Variants in MTAP observed in about 807,000 individuals in gnomAD.
MTAP encodes S-methyl-5'-thioadenosine phosphorylase.
MTAP carries 33 observed loss-of-function variants against 33.6 expected under a neutral mutation model. The ratio of observed to expected loss-of-function variants is 0.98; its 90% confidence interval spans 0.74 to 1.31. MTAP has a LOEUF of 1.31. Among genes scored for constraint, MTAP ranks in the 40% most tolerant of loss-of-function variants. The probability of loss-of-function intolerance (pLI) is 0.00; values close to 1 mark genes in which losing one functional copy is unlikely to be tolerated. For synonymous variants in MTAP, 148 were observed against 125.7 expected (o/e 1.18, Z -1.19); for missense variants, 367 against 360.0 (o/e 1.02, Z -0.16).
intron 6 of MTAP, among the ~76,000 whole-genome samples, chr9:21,858,048 T>G (rs1825676376): frequency 6.6e-6 from 1 of 152,202 alleles, no homozygotes; most frequent in South Asian, 2.1e-4. Flanking sequence ...TATTTGGGAT[T>G]TTGTTTGGTT....
chr9:21,859,907 C>A (rs1446414218), intron 7 of MTAP: 1 of 152,328 alleles, frequency 6.6e-6, no homozygotes, highest in Non-Finnish European at 1.5e-5. Context: ...TAAACCAACT[C>A]TAGTATTCTC....
intron 1 of MTAP, chr9:21,930,908 TC>T: frequency 1.6e-6 from 1 of 640,716 alleles, no homozygotes; most frequent in Non-Finnish European, 2.8e-6. Context: ...CCTGGGTTCT[TC>T]CCTTTTTAGG....
chr9:21,849,515 A>G (rs1825462341), intron 5 of MTAP, among the ~76,000 whole-genome samples: 1 of 152,178 alleles, frequency 6.6e-6, no homozygotes. Context: ...TGGCATAGAC[A>G]TACTTAGCAG....
At chr9:21,844,310 A>G (rs1474216941) in intron 5 of MTAP, among the ~76,000 whole-genome samples, 2 of 152,188 alleles carry the variant, frequency 1.3e-5, no homozygotes, top group Non-Finnish European at 2.9e-5. Context: ...CATTCAAAGA[A>G]CTGGTACCAA....
intron 4 of MTAP, among the ~76,000 whole-genome samples, chr9:21,818,760 AC>A (rs1238630262): frequency 1.3e-5 from 2 of 152,310 alleles, no homozygotes; most frequent in Non-Finnish European, 2.9e-5. Context: ...TTAACATATT[AC>A]CCCACATATC....
chr9:21,887,885 G>C (rs1273041826), intron 1 of MTAP, among the ~76,000 whole-genome samples: 1 of 152,142 alleles, frequency 6.6e-6, no homozygotes, highest in Non-Finnish European at 1.5e-5. Flanking sequence ...TGGGGGGGTT[G>C]CAGCTATTGT....
chr9:21,863,468 G>A lies in MTAP; in HGVS notation c.*1454G>A, dbSNP rs533103796. On this transcript the variant is annotated 3_prime_UTR_variant, in exon 8 of 8. Transcript: ENST00000644715. ...TAAAAATACAAAAAATTAGCTGGGC[G>A]TGGTGGTGGGCACCTGTAGTCCCAG... The A allele has an allele frequency of 2.8e-5, 14 of 506,016 alleles. No individual in the cohort carries two copies. The highest frequency in any genetic ancestry group is 2.1e-4 in the African/African-American group (10 of 48,090). The allele number at this position is 506,016 out of a possible 1,614,324, so 31.3% of individuals were successfully genotyped here.
chr9:21,908,244 T>A (rs564009068), intron 1 of MTAP, among the ~76,000 whole-genome samples: 1 of 152,298 alleles, frequency 6.6e-6, no homozygotes, highest in Non-Finnish European at 1.5e-5. Context: ...GATTGACTTT[T>A]TTGTTTAGCA....
At chr9:21,940,970 G>A (rs1455855164), downstream of MTAP, 1 of 984,764 alleles carries the variant, frequency 1.0e-6, no homozygotes, top group Non-Finnish European at 1.2e-6. Flanking sequence ...TTTGCTTTCA[G>A]GTGACAACTT....
At chr9:21,869,274 A>C (rs946033430), downstream of MTAP, among the ~76,000 whole-genome samples, 1 of 152,028 alleles carries the variant, frequency 6.6e-6, no homozygotes, top group East Asian at 1.9e-4. Context: ...CCAGTGCACC[A>C]TCTTCAGCAC....
At chr9:21,939,882 C>CA (rs1003526702), downstream of MTAP, among the ~76,000 whole-genome samples, 42 of 139,720 alleles carry the variant, frequency 3.0e-4, no homozygotes, top group East Asian at 1.2e-3. Context: ...GACTCTGTCT[C>CA]AAAAAAAAAA....
intron 5 of MTAP, among the ~76,000 whole-genome samples, chr9:21,839,249 C>T (rs925477797): frequency 2.0e-5 from 3 of 151,274 alleles, no homozygotes; most frequent in Non-Finnish European, 2.9e-5. Flanking sequence ...TAGTTATCCA[C>T]AGAATGTATC....
At chr9:21,916,114 A>C (rs1052016856) in intron 1 of MTAP, among the ~76,000 whole-genome samples, 2 of 149,622 alleles carry the variant, frequency 1.3e-5, no homozygotes, top group African/African-American at 4.9e-5. Context: ...GAAGGAAGGA[A>C]GGAAGGAGGG....
intron 1 of MTAP, chr9:21,803,037 C>G: frequency 9.3e-7 from 1 of 1,076,336 alleles, no homozygotes; most frequent in Non-Finnish European, 1.2e-6. Flanking sequence ...CACACACACA[C>G]CACCTTTTGG....
intron 1 of MTAP, among the ~76,000 whole-genome samples, chr9:21,896,484 C>A (rs993663581): frequency 5.3e-5 from 8 of 151,870 alleles, no homozygotes; most frequent in African/African-American, 1.9e-4. Flanking sequence ...ATTGATAGAC[C>A]ACTAGCAAGA....
In MTAP at chr9:21,844,761, A is replaced by G. The variant is rs371721378; in HGVS notation, c.450+6751A>G. Among the ~76,000 whole-genome samples, 94 of 152,336 alleles carry G rather than the reference A, an allele frequency of 6.2e-4. 1 individual carries two copies. Among genetic ancestry groups the G allele is most frequent in the African/African-American group, 1.5e-3 (63 of 41,590 alleles). Reference sequence around the variant, plus strand: ...AATAAAAGCCATCTATGGGCTGGGCACGGTGGCTCACACCTGTAATCCCAG... The same window carrying G: ...AATAAAAGCCATCTATGGGCTGGGCGCGGTGGCTCACACCTGTAATCCCAG... On this transcript the variant is annotated intron_variant, in intron 5 of 7. Coordinates refer to ENST00000644715, the MANE Select transcript of MTAP (RefSeq NM_002451.4).
At chr9:21,843,085 A>G (rs1470935592) in intron 5 of MTAP, among the ~76,000 whole-genome samples, 2 of 152,224 alleles carry the variant, frequency 1.3e-5, no homozygotes, top group Non-Finnish European at 2.9e-5. Flanking sequence ...ATTCCATGCA[A>G]ATGGAAACCA....
intron 4 of MTAP, among the ~76,000 whole-genome samples, chr9:21,831,094 C>A (rs187226932): frequency 2.4e-4 from 36 of 152,248 alleles, no homozygotes; most frequent in African/African-American, 8.4e-4. Flanking sequence ...TGTTAGATAC[C>A]TTTGCACATT....
chr9:21,880,486 A>G (rs973061112), intron 1 of MTAP, among the ~76,000 whole-genome samples: 1 of 152,160 alleles, frequency 6.6e-6, no homozygotes, highest in Admixed American at 6.6e-5. Flanking sequence ...ACATAATCTT[A>G]TACAGTATTT....
Sources: allele counts gnomAD v4.1 joint callset (sites outside exome capture counted in the v4.1 genomes callset), GRCh38; gene constraint gnomAD v4.1.1; transcripts MANE v1.5; gene names NCBI Gene and HGNC (gene_info 2026-07-23, HGNC 2026-07-21).